Variants in NFATC1 observed in about 807,000 individuals in gnomAD.
NFATC1 encodes the protein nuclear factor of activated T-cells, cytoplasmic 1.
NFATC1 carries 22 observed loss-of-function variants against 76.0 expected under a neutral mutation model. The ratio of observed to expected loss-of-function variants is 0.29; its 90% confidence interval spans 0.21 to 0.41. The LOEUF is 0.41. Ranked by LOEUF, NFATC1 falls within the 10% of genes least tolerant of loss-of-function variation. The pLI is 1.00. For missense variants in NFATC1, 1,357 were observed against 1,337.7 expected (o/e 1.01, Z -0.23); for synonymous variants, 704 against 613.1 (o/e 1.15, Z -2.19).
intron 9 of NFATC1, among the ~76,000 whole-genome samples, chr18:79,511,525 G>A (rs1374615463): frequency 6.6e-6 from 1 of 152,230 alleles, no homozygotes; most frequent in Non-Finnish European, 1.5e-5. Context: ...GGGCACCAGG[G>A]CCATGGCACA....
At position 79,485,760 on chromosome 18, in the gene NFATC1, C is replaced by A. The variant is rs138881890; in HGVS notation, c.2093-488C>A. 3.0e-3 allele frequency among the ~76,000 whole-genome samples: 455 copies of A among 152,372 alleles called. 4 individuals carry two copies. Among genetic ancestry groups the A allele is most frequent in the African/African-American group, 0.01 (434 of 41,590 alleles). On this transcript the variant is annotated intron_variant, in intron 8 of 9. Transcript: ENST00000427363. ...GTCCAGCCTCCATGACAGTGTTTTT[C>A]TTTCGCAGTGACGGACGGCTTCTCT... is the stretch of plus-strand genomic sequence containing the variant.
chr18:79,471,885 G>A (rs1161496127), intron 8 of NFATC1, among the ~76,000 whole-genome samples: 1 of 152,340 alleles, frequency 6.6e-6, no homozygotes, highest in East Asian at 1.9e-4. Flanking sequence ...CAAACGTCAC[G>A]AAGAAGGGAA....
chr18:79,463,827 T>A (rs8088705), intron 7 of NFATC1, among the ~76,000 whole-genome samples: 47,152 of 152,090 alleles, frequency 0.31, 7,346 homozygotes, highest in East Asian at 0.37. Flanking sequence ...TGCACGCGGG[T>A]TGCGGGATGC....
Position 79,498,147 on chromosome 18 carries a change from A to C in NFATC1, c.2782+11210A>C, listed in dbSNP as rs1255001780. On this transcript the variant is annotated intron_variant, in intron 9 of 9. Coordinates refer to ENST00000427363, the MANE Select transcript of NFATC1 (RefSeq NM_001278669.2). The stretch of plus-strand genomic sequence containing the variant: ...GTTGTAAACCAAAAAATTATAGTAC[A>C]TGCAAGAAAACATGAAAATATGTCC... 7 of 152,274 alleles carry C rather than the reference A, an allele frequency of 4.6e-5. No homozygotes were observed. The East Asian group carries it at 1.4e-3, about 29-fold the overall frequency. 9.4% of individuals were successfully genotyped at this position (152,274 alleles called of 1,614,324 possible).
intron 8 of NFATC1, among the ~76,000 whole-genome samples, chr18:79,476,696 C>T (rs1050384890): frequency 1.4e-4 from 21 of 152,294 alleles, no homozygotes; most frequent in South Asian, 2.1e-4. Flanking sequence ...TCACCCCGAC[C>T]GACACACAGG....
intron 3 of NFATC1, among the ~76,000 whole-genome samples, chr18:79,443,444 G>C (rs912722342): frequency 1.3e-5 from 2 of 152,208 alleles, no homozygotes; most frequent in African/African-American, 4.8e-5. Flanking sequence ...AGGGCCTCTC[G>C]TGCAGGAAAC....
At chr18:79,479,768 G>A (rs1276825132) in intron 8 of NFATC1, among the ~76,000 whole-genome samples, 6 of 152,182 alleles carry the variant, frequency 3.9e-5, no homozygotes, top group East Asian at 1.9e-4. Flanking sequence ...CATCCCTGCC[G>A]TCCACCGCCC....
chr18:79,422,793 T>C (rs1399354841), intron 2 of NFATC1: 1 of 152,222 alleles, frequency 6.6e-6, no homozygotes, highest in Non-Finnish European at 1.5e-5. Flanking sequence ...GGAAGGTGCT[T>C]TCTCCCATCT....
intron 2 of NFATC1, among the ~76,000 whole-genome samples, chr18:79,411,888 T>TCACA (rs905381195): frequency 6.6e-6 from 1 of 152,210 alleles, no homozygotes. Context: ...TAAGGAGGGC[T>TCACA]CACACACGCG....
At chr18:79,443,294 C>T (rs921824545) in intron 3 of NFATC1, among the ~76,000 whole-genome samples, 4 of 152,234 alleles carry the variant, frequency 2.6e-5, no homozygotes, top group Admixed American at 1.3e-4. Flanking sequence ...CACACCTGCA[C>T]GCACTGTCAC....
chr18:79,436,657 G>A (rs750139233), intron 3 of NFATC1, among the ~76,000 whole-genome samples: 4 of 152,228 alleles, frequency 2.6e-5, no homozygotes, highest in Non-Finnish European at 5.9e-5. Flanking sequence ...TTCGGAGCAT[G>A]GACTCTGGGT....
intron 3 of NFATC1, among the ~76,000 whole-genome samples, chr18:79,446,401 C>T (rs567812055): frequency 1.3e-5 from 2 of 152,148 alleles, no homozygotes; most frequent in African/African-American, 4.8e-5. Context: ...CCCCACCCCC[C>T]GAGGTGGTTT....
chr18:79,478,131 A>AC (rs1443245406), intron 8 of NFATC1, among the ~76,000 whole-genome samples: 3 of 10,460 alleles, frequency 2.9e-4, no homozygotes, highest in Non-Finnish European at 5.9e-4. Context: ...CCCCCCGCCC[A>AC]CCCCCAGGTG....
At chr18:79,473,878 C>T (rs1248154278) in intron 8 of NFATC1, among the ~76,000 whole-genome samples, 9 of 146,172 alleles carry the variant, frequency 6.2e-5, no homozygotes, top group South Asian at 2.2e-4. Context: ...CTGAGGGAAG[C>T]GTGTTCTCAC....
At chr18:79,475,673 TTC>T (rs1406685819) in intron 8 of NFATC1, among the ~76,000 whole-genome samples, 15 of 152,354 alleles carry the variant, frequency 9.8e-5, no homozygotes, top group African/African-American at 3.6e-4. Flanking sequence ...GGGAAAGGAA[TTC>T]TCTCTCACAT....
chr18:79,526,518 A>C (rs9961312), intron 9 of NFATC1, among the ~76,000 whole-genome samples: 3,084 of 152,110 alleles, frequency 0.02, 107 homozygotes, highest in African/African-American at 0.071. Flanking sequence ...GGGGCCGGGC[A>C]TGTGGGGCAC....
chr18:79,478,400 C>T (rs2089159670), intron 8 of NFATC1, among the ~76,000 whole-genome samples: 2 of 152,030 alleles, frequency 1.3e-5, no homozygotes, highest in Admixed American at 1.3e-4. Flanking sequence ...GTGGTCCGGG[C>T]CATTAAGAGC....
intron 9 of NFATC1, among the ~76,000 whole-genome samples, chr18:79,522,748 T>C (rs917968500): frequency 2.0e-5 from 3 of 152,070 alleles, no homozygotes; most frequent in African/African-American, 7.2e-5. Flanking sequence ...GACGGACTCC[T>C]GGGGCCAGGA....
chr18:79,481,486 CCTGACTTGCACAGGCAGTCCT>C (rs1361950015), intron 8 of NFATC1, among the ~76,000 whole-genome samples: 6 of 152,232 alleles, frequency 3.9e-5, no homozygotes, highest in African/African-American at 1.4e-4. Context: ...TCTGCAGCCC[CCTGACTTGCACAGGCAGTCCT>C]GGGGCTCTGC....
Sources: gnomAD v4.1 joint callset for allele counts (sites outside exome capture counted in the v4.1 genomes callset) on GRCh38, gnomAD v4.1.1 for gene constraint, MANE v1.5 for transcripts, NCBI Gene and HGNC (gene_info 2026-07-23, HGNC 2026-07-21) for gene names.